The following TMEM40 variants were observed in gnomAD, a reference collection of about 807,000 sequenced individuals.
The protein encoded by TMEM40 is transmembrane protein 40.
Under a neutral mutation model 40.8 loss-of-function variants are expected in TMEM40, and 34 were observed. The observed-to-expected ratio is 0.83, with a 90% CI of 0.63 to 1.11. The LOEUF is 1.11. Among genes scored for constraint, TMEM40 ranks in the 50% least tolerant of loss-of-function variants. The pLI is 0.00. For synonymous variants in TMEM40, 106 were observed against 107.0 expected, an observed-to-expected ratio of 0.99 and a Z score of 0.06; for missense variants, 296 against 280.2, an observed-to-expected ratio of 1.06 and a Z score of -0.40.
At chr3:12,755,444 C>T (rs2061520288) in intron 1 of TMEM40, among the ~76,000 whole-genome samples, 1 of 151,598 alleles carries the variant, frequency 6.6e-6, no homozygotes, top group Admixed American at 6.6e-5. Flanking sequence ...AGCCACTGCA[C>T]CTGGCCTCAA....
intron 3 of TMEM40, 66 bp from the exon 4 acceptor site, chr3:12,744,055 C>T: frequency 6.7e-7 from 1 of 1,495,852 alleles, no homozygotes; most frequent in Admixed American, 1.9e-5. Context: ...TGCGTTCATT[C>T]TGGTGGCCAT....
At chr3:12,763,428 C>T (rs1206172961), upstream of TMEM40, among the ~76,000 whole-genome samples, 1 of 152,178 alleles carries the variant, frequency 6.6e-6, no homozygotes. Context: ...AGGCAGGCCC[C>T]AGCTCAACTC....
chr3:12,762,841 T>C (rs1235231065), upstream of TMEM40, among the ~76,000 whole-genome samples: 1 of 152,158 alleles, frequency 6.6e-6, no homozygotes, highest in African/African-American at 2.4e-5. Flanking sequence ...TAAGCCCCAC[T>C]GGACTGGGTG....
At chr3:12,742,560 C>A in intron 4 of TMEM40, 53 bp from the exon 5 acceptor site, 3 of 1,591,218 alleles carry the variant, frequency 1.9e-6, no homozygotes, top group Non-Finnish European at 2.6e-6. Context: ...GTGATCCAGG[C>A]CACTTCCCTC....
intron 1 of TMEM40, among the ~76,000 whole-genome samples, chr3:12,750,130 C>T (rs1186810929): frequency 7.1e-6 from 1 of 141,158 alleles, no homozygotes; most frequent in Non-Finnish European, 1.5e-5. Flanking sequence ...AGGCACAATC[C>T]TTTTTCTTTT....
At chr3:12,768,073 C>T (rs1352911740) in intron 1 of TMEM40, among the ~76,000 whole-genome samples, 1 of 152,120 alleles carries the variant, frequency 6.6e-6, no homozygotes, top group Non-Finnish European at 1.5e-5. Context: ...TTCTTAAAGG[C>T]GGCGTGTTCG....
rs1370435359 is a variant in TMEM40, at chr3:12,738,552, C to T, written c.391+1G>A. The T allele has an allele frequency of 3.1e-6, 5 of 1,613,946 alleles. No homozygotes were observed. Among genetic ancestry groups the T allele is most frequent in the African/African-American group, 1.3e-5 (1 of 74,934 alleles). On this transcript the variant is annotated splice_donor_variant, in intron 6 of 11. Transcript: ENST00000314124. LOFTEE classifies it high-confidence loss of function. The stretch of plus-strand genomic sequence containing the variant: ...CCTCTCTCCTCTAACTGGACACTCA[C>T]CTGATTCCCCAGAGGGTACCACCTC...
chr3:12,765,635 T>C (rs1334792545), intron 1 of TMEM40, among the ~76,000 whole-genome samples: 1 of 149,030 alleles, frequency 6.7e-6, no homozygotes, highest in East Asian at 2.0e-4. Context: ...TGGCGTGATC[T>C]CGGCTCACTC....
chr3:12,753,843 A>T (rs1282903599), intron 1 of TMEM40, among the ~76,000 whole-genome samples: 2 of 152,142 alleles, frequency 1.3e-5, no homozygotes, highest in African/African-American at 4.8e-5. Context: ...CCTTCAGGTG[A>T]GCCCAGATTT....
chr3:12,741,364 G>A (rs1386172487), intron 5 of TMEM40: 2 of 152,170 alleles, frequency 1.3e-5, no homozygotes, highest in South Asian at 2.1e-4. Context: ...ATCAGGCCCC[G>A]ACTTCTGTAG....
intron 1 of TMEM40, among the ~76,000 whole-genome samples, chr3:12,764,601 A>G (rs1480116625): frequency 6.6e-6 from 1 of 152,186 alleles, no homozygotes; most frequent in Non-Finnish European, 1.5e-5. Context: ...GCCATTTGAG[A>G]TGGAGCTTAA....
intron 5 of TMEM40, 25 bp downstream of exon 5, chr3:12,742,429 C>T (rs1164154227): frequency 6.2e-7 from 1 of 1,611,612 alleles, no homozygotes. Context: ...ATTGTTTTCT[C>T]CAAAGCTACT....
chr3:12,739,519 C>T (rs578173945), intron 5 of TMEM40, among the ~76,000 whole-genome samples: 415 of 152,080 alleles, frequency 2.7e-3, no homozygotes, highest in Non-Finnish European at 4.1e-3. Flanking sequence ...CTCCTGACCT[C>T]GTGATCCACC....
intron 5 of TMEM40, among the ~76,000 whole-genome samples, chr3:12,739,628 C>T (rs1204721234): frequency 1.3e-5 from 2 of 151,144 alleles, no homozygotes; most frequent in Non-Finnish European, 1.5e-5. Context: ...ATTATGTTGC[C>T]CAGGCTGGTC....
chr3:12,755,233 C>CTCTCTTTCTT (rs1553634013), intron 1 of TMEM40, among the ~76,000 whole-genome samples: 2,191 of 59,796 alleles, frequency 0.037, 70 homozygotes, highest in Non-Finnish European at 0.05. Flanking sequence ...CTCTCTCTCT[C>CTCTCTTTCTT]TCTTTCTTTC....
At chr3:12,742,528 TAGTC>T (rs1279214073) in intron 4 of TMEM40, 21 bp from the exon 5 acceptor site, 1 of 1,613,184 alleles carries the variant, frequency 6.2e-7, no homozygotes, top group Admixed American at 1.7e-5. Flanking sequence ...ACAAACCCCT[TAGTC>T]AGCACTCCCC....
intron 6 of TMEM40, 119 bp downstream of exon 6, chr3:12,738,434 G>A: frequency 8.4e-7 from 1 of 1,197,134 alleles, no homozygotes; most frequent in Non-Finnish European, 1.2e-6. Context: ...TGGACCTGGG[G>A]CTCCTGTTTC....
chr3:12,760,453 G>A (rs952870927), upstream of TMEM40, among the ~76,000 whole-genome samples: 2 of 151,998 alleles, frequency 1.3e-5, no homozygotes, highest in Non-Finnish European at 2.9e-5. Context: ...CCCCTGGGTG[G>A]GCTCCCTCCT....
chr3:12,743,012 A>T (rs1402137323), intron 4 of TMEM40, among the ~76,000 whole-genome samples: 3 of 152,102 alleles, frequency 2.0e-5, no homozygotes, highest in Non-Finnish European at 4.4e-5. Context: ...CAGAAATAGA[A>T]CCCAGGGCTC....
Sources: gnomAD v4.1 joint callset for allele counts (sites outside exome capture counted in the v4.1 genomes callset) on GRCh38, gnomAD v4.1.1 for gene constraint, MANE v1.5 for transcripts, NCBI Gene and HGNC (gene_info 2026-07-23, HGNC 2026-07-21) for gene names.